USP6: variants seen among roughly 807,000 people sequenced by gnomAD.
USP6 encodes ubiquitin carboxyl-terminal hydrolase 6.
In USP6, 128 loss-of-function variants were observed where a neutral mutation model predicts 175.7. The ratio of observed to expected loss-of-function variants is 0.73; its 90% CI spans 0.63 to 0.84. The LOEUF is 0.84. Ranked by LOEUF, USP6 falls within the 40% of genes least tolerant of loss-of-function variation. The pLI is 0.00. For synonymous variants in USP6, 562 were observed against 630.6 expected (o/e 0.89, Z 1.63); for missense variants, 1,498 against 1,760.3 (o/e 0.85, Z 2.67).
rs200854604 is a variant in USP6 at position 5,139,240 on chromosome 17, C to T, written c.1079-15C>T. ...GGCTCACTGGAGATGCTGACCACGT[C>T]TGTTTTCCTTTCAGCCAAACGCGAG... On this transcript the variant is annotated splice_polypyrimidine_tract_variant and intron_variant, in intron 21 of 37. Transcript: ENST00000574788. 252 of 1,599,556 alleles carry T rather than the reference C, an allele frequency of 1.6e-4. No homozygotes were observed. The highest frequency in any genetic ancestry group is 2.0e-4 in the Non-Finnish European group (236 of 1,179,970).
chr17:5,147,178 T>TA lies in USP6; in HGVS notation c.2416dup (p.Ser806LysfsTer45). 6.2e-7 allele frequency: 1 copy of TA among 1,613,254 alleles called. No homozygotes were observed. The highest frequency in any genetic ancestry group is 8.5e-7 in the Non-Finnish European group (1 of 1,179,502). ...TCCCTTCATCTCCAATTTCAGCTTC[T>TA]AGTCCAACACAAATAGGTAAGATAG... On this transcript the variant is annotated frameshift_variant, in exon 29 of 38. Coordinates refer to ENST00000574788, the MANE Select transcript of USP6 (RefSeq NM_001304284.2). LOFTEE classifies it high-confidence loss of function.
At chr17:5,123,400 T>TGGCGC (rs1412272861) in intron 4 of USP6, among the ~76,000 whole-genome samples, 1 of 150,654 alleles carries the variant, frequency 6.6e-6, no homozygotes, top group Non-Finnish European at 1.5e-5. Context: ...TGGCGTGGCG[T>TGGCGC]GGCGCGGCGG....
chr17:5,143,492 A>G (rs2073514161), intron 25 of USP6, among the ~76,000 whole-genome samples: 1 of 151,392 alleles, frequency 6.6e-6, no homozygotes, highest in Non-Finnish European at 1.5e-5. Flanking sequence ...TGCTGTGTCC[A>G]CTCAGGGTTA....
chr17:5,137,054 G>A, intron 18 of USP6, 67 bp from the exon 19 acceptor site: 1 of 1,532,602 alleles, frequency 6.5e-7, no homozygotes, highest in East Asian at 2.3e-5. Context: ...GGTCTTCAGA[G>A]GCCCTGGAAG....
chr17:5,116,158 G>A lies in USP6; in HGVS notation c.-2510G>A, dbSNP rs1050543732. Among the ~76,000 whole-genome samples, 1 of 152,324 alleles carries A rather than the reference G, an allele frequency of 6.6e-6. No individual in the cohort carries two copies. The highest frequency in any genetic ancestry group is 1.5e-5 in the Non-Finnish European group (1 of 68,010). On this transcript the variant is annotated 5_prime_UTR_variant, in exon 1 of 38. Coordinates refer to ENST00000574788, the MANE Select transcript of USP6 (RefSeq NM_001304284.2). ...CACTCGACGCTACCTTGGCGGCCGCGCCCATGCTGTCCCCGCTCCAACTAG... is the reference window on the plus strand; with the variant it reads ...CACTCGACGCTACCTTGGCGGCCGCACCCATGCTGTCCCCGCTCCAACTAG...
In USP6 at chr17:5,137,133, C is replaced by CT; in HGVS notation, c.773dup (p.Cys259MetfsTer16). Reference sequence around the variant, plus strand: ...TTCATCCCATCAGGACAAGGAAGGTCTATGCGGGCAGTGTGCCTCGTTAGG... The same window carrying CT: ...TTCATCCCATCAGGACAAGGAAGGTCTTATGCGGGCAGTGTGCCTCGTTAGG... On this transcript the variant is annotated frameshift_variant, in exon 19 of 38. Coordinates refer to ENST00000574788, the MANE Select transcript of USP6 (RefSeq NM_001304284.2). LOFTEE classifies it high-confidence loss of function. 1 of 1,613,524 alleles carries CT rather than the reference C, an allele frequency of 6.2e-7. No homozygotes were observed. The highest frequency in any genetic ancestry group is 8.5e-7 in the Non-Finnish European group (1 of 1,179,616).
intron 33 of USP6, among the ~76,000 whole-genome samples, chr17:5,165,968 T>A (rs915909840): frequency 3.9e-5 from 6 of 152,252 alleles, no homozygotes; most frequent in Admixed American, 6.5e-5. Context: ...TTCAACATTC[T>A]TTACTAGCTT....
rs1567820734 is a variant in USP6, at chr17:5,174,350, A to G, written c.*1372A>G. ...AAGTTGATTCTCATTGCCAGATTCC[A>G]TTACCCTTTCTTCCTCATAGGTAGT... On this transcript the variant is annotated 3_prime_UTR_variant, in exon 38 of 38. Transcript: ENST00000574788. 3 of 190,840 alleles carry G rather than the reference A, an allele frequency of 1.6e-5. No homozygotes were observed. Among genetic ancestry groups the G allele is most frequent in the Non-Finnish European group, 2.2e-5 (2 of 90,908 alleles). The allele number at this position is 190,840 out of a possible 1,614,324, so 11.8% of individuals were successfully genotyped here. A position where few individuals can be genotyped will look rare whatever the true frequency, so the allele number is the denominator to read the frequency against.
At position 5,132,420 on chromosome 17, in the gene USP6, T is replaced by G. The variant is rs2073100426; in HGVS notation, c.180T>G (p.Thr60=). ...ILHETELPPV[T]AREAKKIRRE... The stretch of plus-strand genomic sequence containing the variant: ...GTGAGACGGAGCTGCCTCCTGTGAC[T>G]GCACGGGAGGCGAAGGTAAGAGCCT... The change falls in exon 12 of 38, where the codon ACT becomes ACG. Residue 60 remains threonine (T), a synonymous_variant. Transcript: ENST00000574788. This position sits in a 1 kb window ranked among gnomAD's most constrained non-coding sequence, Gnocchi z 4.7. 2 of 1,612,140 alleles carry G rather than the reference T, an allele frequency of 1.2e-6. No homozygotes were observed. Among genetic ancestry groups the G allele is most frequent in the Non-Finnish European group, 1.7e-6 (2 of 1,179,828 alleles).
chr17:5,170,761 C>G lies in USP6; in HGVS notation c.3800C>G (p.Ala1267Gly), dbSNP rs1365528793. 8.7e-6 allele frequency: 14 copies of G among 1,613,754 alleles called. No homozygotes were observed. The highest frequency in any genetic ancestry group is 1.1e-5 in the Non-Finnish European group (13 of 1,179,872). ...VTPQDHEVAL[A>G]NGFLYEHEAC... ...CCTCAGGACCATGAGGTAGCTTTGG[C>G]CAATGGATTCCTTTATGAGCATGAA... Residue 1267 changes from alanine (A) to glycine (G), a missense_variant, in exon 36 of 38, where the codon GCC becomes GGC. By Grantham distance (60) the Ala-to-Gly change is moderately conservative. This residue lies in a region of USP6 where 1,217 missense variants were observed against 1,500.8 expected (regional missense o/e 0.81). Coordinates refer to ENST00000574788, the MANE Select transcript of USP6 (RefSeq NM_001304284.2).
chr17:5,130,634 GC>G lies in USP6; in HGVS notation c.107del (p.Pro36LeufsTer24), dbSNP rs1375636896. Reference protein sequence around the residue: ...HRAGLPEDKGPEPVGINSSID... With the variant: ...HRAGLPEDKGXEPVGINSSID... The stretch of plus-strand genomic sequence containing the variant: ...GAGCTGGGCTGCCAGAGGACAAGGG[GC>G]CTGAGCCCGTTGGAATCAACAGCAG... On this transcript the variant is annotated frameshift_variant, in exon 11 of 38. Coordinates refer to ENST00000574788, the MANE Select transcript of USP6 (RefSeq NM_001304284.2). LOFTEE classifies it high-confidence loss of function. 1 of 1,613,810 alleles carries G rather than the reference GC, an allele frequency of 6.2e-7. No individual in the cohort carries two copies. The highest frequency in any genetic ancestry group is 1.3e-5 in the African/African-American group (1 of 74,912).
chr17:5,139,866 AG>A, intron 22 of USP6, among the ~76,000 whole-genome samples, 192 bp downstream of exon 22: 1 of 152,276 alleles, frequency 6.6e-6, no homozygotes, highest in Admixed American at 6.5e-5. Flanking sequence ...GGCTTCTAGA[AG>A]CATCTGGGCC....
Position 5,138,176 on chromosome 17 carries a change from C to T in USP6, c.981C>T (p.Phe327=). ...TGTGGGCACGTCTGCGGAACCAATTCTTCGATACCTGGGCCATGAACGATG... is the reference window on the plus strand; with the variant it reads ...TGTGGGCACGTCTGCGGAACCAATTTTTCGATACCTGGGCCATGAACGATG... ...CGLWARLRNQ[F]FDTWAMNDDT... is the part of the protein sequence containing the mutation. Residue 327 remains phenylalanine, a synonymous_variant, in exon 21 of 38, where the codon TTC becomes TTT. Coordinates refer to ENST00000574788, the MANE Select transcript of USP6 (RefSeq NM_001304284.2). The T allele has an allele frequency of 6.2e-7, 1 of 1,614,102 alleles. No individual in the cohort carries two copies.
intron 35 of USP6, among the ~76,000 whole-genome samples, chr17:5,169,324 G>A (rs1021198677): frequency 1.7e-4 from 26 of 152,310 alleles, no homozygotes; most frequent in Middle Eastern, 3.4e-3. Flanking sequence ...AGTGCCTGAT[G>A]TATGGTAAAC....
chr17:5,155,466 CA>C lies in USP6; in HGVS notation c.2689del (p.Ser897AlafsTer7). On this transcript the variant is annotated frameshift_variant, in exon 31 of 38. Coordinates refer to ENST00000574788, the MANE Select transcript of USP6 (RefSeq NM_001304284.2). LOFTEE classifies it high-confidence loss of function. ...TCCTGTCACCTCAGGAGAATCGCCC[CA>C]GCCTCTTTGGAATGCCATTGATTGT... is the stretch of plus-strand genomic sequence containing the variant. ...YFLSPQENRP[S>X]LFGMPLIVPC... 1 of 1,614,062 alleles carries C rather than the reference CA, an allele frequency of 6.2e-7. No homozygotes were observed. The highest frequency in any genetic ancestry group is 8.5e-7 in the Non-Finnish European group (1 of 1,179,970).
intron 14 of USP6, 84 bp downstream of exon 14, chr17:5,133,634 TGGGGTGGG>T: frequency 5.0e-5 from 24 of 483,940 alleles, no homozygotes; most frequent in South Asian, 3.5e-4. Flanking sequence ...AAGCCCACCC[TGGGGTGGG>T]GGGGTGGGAG....
At chr17:5,166,987 T>C (rs2074109006) in intron 33 of USP6, among the ~76,000 whole-genome samples, 1 of 152,150 alleles carries the variant, frequency 6.6e-6, no homozygotes, top group East Asian at 1.9e-4. Context: ...AGCAGCACAC[T>C]CTTGAGCTTG....
intron 31 of USP6, among the ~76,000 whole-genome samples, chr17:5,156,638 T>C (rs1446840496): frequency 2.6e-5 from 4 of 151,976 alleles, no homozygotes; most frequent in Non-Finnish European, 5.9e-5. Flanking sequence ...ATGGTACAAA[T>C]GAGAGTTCTG....
intron 20 of USP6, 36 bp from the exon 21 acceptor site, chr17:5,138,085 G>A: frequency 1.2e-6 from 2 of 1,613,788 alleles, no homozygotes; most frequent in East Asian, 2.2e-5. Flanking sequence ...CCATTCCCAG[G>A]GAACTCTCCT....
Sources: gnomAD v4.1 joint callset for allele counts (sites outside exome capture counted in the v4.1 genomes callset) on GRCh38, gnomAD v4.1.1 for gene constraint, gnomAD v4.1.1 regional missense constraint, Gnocchi (gnomAD v3.1) non-coding constraint, MANE v1.5 for transcripts, NCBI Gene and HGNC (gene_info 2026-07-23, HGNC 2026-07-21) for gene names.